Variants in ASIC2 observed in about 807,000 individuals in gnomAD.
ASIC2 encodes the protein acid sensing ion channel subunit 2, also known as acid-sensing ion channel 2.
A neutral mutation model predicts 57.3 loss-of-function variants in ASIC2; 25 were observed. The ratio of observed to expected loss-of-function variants is 0.44; its 90% CI spans 0.32 to 0.61. The LOEUF (loss-of-function observed/expected upper bound fraction) is 0.61. ASIC2 is among the 20% of genes least tolerant of loss of function. ASIC2 has a pLI of 0.06. For synonymous variants in ASIC2, 319 were observed against 307.5 expected (o/e 1.04, Z -0.39); for missense variants, 641 against 738.1 (o/e 0.87, Z 1.52).
At chr17:33,711,642 G>T (rs751088617) in intron 1 of ASIC2, among the ~76,000 whole-genome samples, 13 of 152,158 alleles carry the variant, frequency 8.5e-5, no homozygotes, top group Admixed American at 2.6e-4. Context: ...GGAAGGTGAA[G>T]GGAAAGCAAG....
intron 1 of ASIC2, among the ~76,000 whole-genome samples, chr17:33,593,639 G>A (rs1340107196): frequency 6.6e-6 from 1 of 152,214 alleles, no homozygotes; most frequent in Non-Finnish European, 1.5e-5. Context: ...AGTCAGTCAT[G>A]TGAAGTGCTT....
At chr17:33,860,973 G>T (rs1176198335) in intron 1 of ASIC2, among the ~76,000 whole-genome samples, 1 of 152,212 alleles carries the variant, frequency 6.6e-6, no homozygotes, top group South Asian at 2.1e-4. Context: ...GTGTACTAAA[G>T]TGGGAGTAAA....
chr17:33,424,498 G>A (rs1012378650), intron 1 of ASIC2, among the ~76,000 whole-genome samples: 1 of 152,198 alleles, frequency 6.6e-6, no homozygotes, highest in Non-Finnish European at 1.5e-5. Context: ...CTATGGCAGA[G>A]GCCCCAGCTC....
At chr17:34,141,907 C>G (rs534466196) in intron 1 of ASIC2, among the ~76,000 whole-genome samples, 1 of 152,188 alleles carries the variant, frequency 6.6e-6, no homozygotes, top group Non-Finnish European at 1.5e-5. Flanking sequence ...TGTTTAATCT[C>G]AGCCCATTGT....
rs200776579 is a variant in ASIC2, at chr17:33,281,516, AT to A, written c.708+9891del. On this transcript the variant is annotated intron_variant, in intron 1 of 9. Coordinates refer to ENST00000225823, the MANE Select transcript of ASIC2 (RefSeq NM_183377.2). ...AACACTAGCCTATGGCTGGCTCTCA[AT>A]AATAAAGGGATTAACATATGATTTT... 6.0e-3 allele frequency among the ~76,000 whole-genome samples: 919 copies of A among 152,360 alleles called. 9 individuals carry two copies. Among genetic ancestry groups the A allele is most frequent in the African/African-American group, 0.021 (880 of 41,584 alleles).
At chr17:33,278,333 G>A (rs563140714) in intron 1 of ASIC2, among the ~76,000 whole-genome samples, 1 of 151,970 alleles carries the variant, frequency 6.6e-6, no homozygotes, top group African/African-American at 2.4e-5. Context: ...AATCACCTGG[G>A]GGTGTCTGTT....
intron 1 of ASIC2, among the ~76,000 whole-genome samples, chr17:33,579,377 C>CT (rs1328224669): frequency 6.6e-6 from 1 of 151,560 alleles, no homozygotes; most frequent in Non-Finnish European, 1.5e-5. Context: ...TTACAAACCT[C>CT]TAACACTCCG....
intron 1 of ASIC2, among the ~76,000 whole-genome samples, chr17:34,142,555 AGT>A (rs1239807426): frequency 7.9e-5 from 12 of 152,186 alleles, no homozygotes; most frequent in African/African-American, 2.9e-4. Context: ...ATACAATTGT[AGT>A]GTATAATCAT....
intron 5 of ASIC2, among the ~76,000 whole-genome samples, chr17:33,025,135 G>A (rs1034066419): frequency 6.6e-6 from 1 of 152,152 alleles, no homozygotes; most frequent in Non-Finnish European, 1.5e-5. Flanking sequence ...GGCCAGCACT[G>A]CCTCACTTAG....
chr17:33,781,733 G>C (rs1316319526), intron 1 of ASIC2, among the ~76,000 whole-genome samples: 1 of 152,108 alleles, frequency 6.6e-6, no homozygotes, highest in East Asian at 1.9e-4. Context: ...AGTCTTTGCT[G>C]TCCCCACCTC....
At chr17:33,460,650 C>A (rs1278882605) in intron 1 of ASIC2, among the ~76,000 whole-genome samples, 2 of 152,186 alleles carry the variant, frequency 1.3e-5, no homozygotes, top group East Asian at 3.8e-4. Context: ...ATGACAGATT[C>A]TGTAGGAGCT....
chr17:33,346,299 C>G (rs562918262), intron 1 of ASIC2, among the ~76,000 whole-genome samples: 2 of 146,678 alleles, frequency 1.4e-5, no homozygotes, highest in African/African-American at 2.5e-5. Flanking sequence ...GTACATTTTC[C>G]AATGTATTTT....
At chr17:33,020,874 C>CA (rs1304073116) in intron 7 of ASIC2, among the ~76,000 whole-genome samples, 20 of 152,256 alleles carry the variant, frequency 1.3e-4, no homozygotes, top group African/African-American at 4.6e-4. Flanking sequence ...TCCATGGCCC[C>CA]AGGATCCTGA....
chr17:33,370,105 A>G (rs1908988794), intron 1 of ASIC2, among the ~76,000 whole-genome samples: 1 of 152,188 alleles, frequency 6.6e-6, no homozygotes, highest in African/African-American at 2.4e-5. Flanking sequence ...AAGGGAGACC[A>G]GGCAGCATTC....
At chr17:33,489,404 T>C (rs1201400259) in intron 1 of ASIC2, among the ~76,000 whole-genome samples, 1 of 152,212 alleles carries the variant, frequency 6.6e-6, no homozygotes, top group East Asian at 1.9e-4. Context: ...TCAAGCCCAG[T>C]ACTGCCTGAT....
At chr17:34,086,146 G>T (rs1464266721) in intron 1 of ASIC2, among the ~76,000 whole-genome samples, 1 of 146,654 alleles carries the variant, frequency 6.8e-6, no homozygotes, top group East Asian at 2.0e-4. Context: ...GTCAATTTTG[G>T]ATCTTTCCTG....
intron 1 of ASIC2, among the ~76,000 whole-genome samples, chr17:34,115,705 T>C (rs1911405170): frequency 6.6e-6 from 1 of 152,208 alleles, no homozygotes; most frequent in Non-Finnish European, 1.5e-5. Context: ...TCCTAGACCC[T>C]GTCCTATCCC....
intron 1 of ASIC2, among the ~76,000 whole-genome samples, chr17:33,205,793 C>A (rs1017978102): frequency 6.6e-6 from 1 of 152,186 alleles, no homozygotes; most frequent in East Asian, 1.9e-4. Context: ...GCTGGGACTG[C>A]GCTGGCTGTG....
At chr17:33,626,559 A>G (rs1905990218) in intron 1 of ASIC2, among the ~76,000 whole-genome samples, 1 of 152,190 alleles carries the variant, frequency 6.6e-6, no homozygotes. Context: ...TCAATAGTCC[A>G]GCAGTGGTAC....
Sources: allele counts gnomAD v4.1 joint callset (sites outside exome capture counted in the v4.1 genomes callset), GRCh38; gene constraint gnomAD v4.1.1; transcripts MANE v1.5; gene names NCBI Gene and HGNC (gene_info 2026-07-23, HGNC 2026-07-21).